Variants in CAMTA1 observed in about 807,000 individuals in gnomAD.
The protein encoded by CAMTA1 is calmodulin-binding transcription activator 1.
In CAMTA1, 27 loss-of-function variants were observed where a neutral mutation model predicts 170.9. That is an observed-to-expected ratio of 0.16 (90% CI 0.12 to 0.22). CAMTA1 has a LOEUF of 0.22. CAMTA1 is among the 10% of genes least tolerant of loss of function. The pLI, the probability that CAMTA1 is intolerant of heterozygous loss-of-function variation, is 1.00. For synonymous variants in CAMTA1, 833 were observed against 891.5 expected (o/e 0.93, Z 1.17); for missense variants, 1,619 against 2,217.2 (o/e 0.73, Z 5.42).
rs966178286 is a variant in CAMTA1 at position 7,007,656 on chromosome 1, C to T, written c.235-83648C>T. 2.0e-4 allele frequency among the ~76,000 whole-genome samples: 30 copies of T among 152,156 alleles called. No individual in the cohort carries two copies. Among genetic ancestry groups the T allele is most frequent in the African/African-American group, 6.8e-4 (28 of 41,438 alleles). ...CCAGACTGCCGAGGGGTGGCCGGGC[C>T]CTGTCAGTGCTGCGGAGGTGAGCTC... On this transcript the variant is annotated intron_variant, in intron 3 of 22. Transcript: ENST00000303635. This position sits in a 1 kb window ranked among gnomAD's most constrained non-coding sequence, Gnocchi z 4.5.
intron 6 of CAMTA1, among the ~76,000 whole-genome samples, chr1:7,531,220 C>G (rs999490483): frequency 1.3e-5 from 2 of 152,020 alleles, no homozygotes; most frequent in Non-Finnish European, 2.9e-5. Flanking sequence ...AGTAAAGTCC[C>G]GGTGAGAGCA....
chr1:6,915,841 T>C (rs1471066689), intron 3 of CAMTA1, among the ~76,000 whole-genome samples: 2 of 152,190 alleles, frequency 1.3e-5, no homozygotes, highest in East Asian at 1.9e-4. Context: ...GGGGTGGCCC[T>C]GATGACTTCT....
At chr1:6,977,457 C>T (rs531683447) in intron 3 of CAMTA1, among the ~76,000 whole-genome samples, 1 of 152,232 alleles carries the variant, frequency 6.6e-6, no homozygotes, top group South Asian at 2.1e-4. Context: ...TCTCCAGCCT[C>T]AGCCTCCCGA....
intron 5 of CAMTA1, among the ~76,000 whole-genome samples, chr1:7,314,137 A>G (rs561705759): frequency 1.3e-5 from 2 of 152,346 alleles, no homozygotes; most frequent in Admixed American, 1.3e-4. Flanking sequence ...ACAAATGTGA[A>G]GTCTATATAC....
intron 11 of CAMTA1, among the ~76,000 whole-genome samples, chr1:7,715,059 A>G (rs559727218): frequency 2.0e-5 from 3 of 152,280 alleles, no homozygotes; most frequent in East Asian, 1.9e-4. Context: ...TGTCTGTAAC[A>G]TCATGAGTCC....
intron 6 of CAMTA1, among the ~76,000 whole-genome samples, chr1:7,496,824 C>A (rs1219022314): frequency 6.6e-6 from 1 of 151,882 alleles, no homozygotes; most frequent in Admixed American, 6.6e-5. Context: ...GGGAAGGAGG[C>A]CTCCCAGGCC....
At chr1:7,291,311 A>G (rs902542158) in intron 5 of CAMTA1, among the ~76,000 whole-genome samples, 2 of 152,052 alleles carry the variant, frequency 1.3e-5, no homozygotes, top group Non-Finnish European at 1.5e-5. Flanking sequence ...GGAGAGTGCC[A>G]TGTTGTTAGG....
At chr1:7,489,548 G>T (rs1242284569) in intron 6 of CAMTA1, among the ~76,000 whole-genome samples, 1 of 152,210 alleles carries the variant, frequency 6.6e-6, no homozygotes, top group Admixed American at 6.5e-5. Flanking sequence ...TATGCCAGGT[G>T]CTAGGGTTGC....
At position 7,195,253 on chromosome 1, in the gene CAMTA1, T is replaced by C. The variant is rs1655303917; in HGVS notation, c.303-54238T>C. 6.6e-6 allele frequency among the ~76,000 whole-genome samples: 1 copy of C among 152,190 alleles called. No homozygotes were observed. Among genetic ancestry groups the C allele is most frequent in the African/African-American group, 2.4e-5 (1 of 41,452 alleles). On this transcript the variant is annotated intron_variant, in intron 4 of 22. Transcript: ENST00000303635. The surrounding 1 kb of genome is among the most constrained non-coding windows in gnomAD (Gnocchi z 4.1). ...GGCAGCTCCCACGTTCTCACACCAT[T>C]CGACATTTGGGGTGACCAAGTCATG...
intron 5 of CAMTA1, among the ~76,000 whole-genome samples, chr1:7,437,029 G>A (rs559120689): frequency 6.6e-6 from 1 of 152,264 alleles, no homozygotes; most frequent in South Asian, 2.1e-4. Context: ...CTGGGGCACA[G>A]CTGGCAGGCT....
In CAMTA1 at chr1:7,130,226, A is replaced by G. The variant is rs529547936; in HGVS notation, c.302+38855A>G. Among the ~76,000 whole-genome samples the G allele has an allele frequency of 2.0e-5, 3 of 152,326 alleles. No individual in the cohort carries two copies. In the East Asian group the frequency reaches 5.8e-4, roughly 29 times the overall value. On this transcript the variant is annotated intron_variant, in intron 4 of 22. Transcript: ENST00000303635. ...AGTGCTCGGATTACAGGTGTGAGGC[A>G]CCATGCCCAGTCAAATCTACCTTCT...
chr1:7,570,782 G>A lies in CAMTA1; in HGVS notation c.511-69618G>A, dbSNP rs1173390345. ...GCTCTCCATCACCCCCCACCGCAGA[G>A]GGAAAATCAGTGTTATCATGCGAGG... On this transcript the variant is annotated intron_variant, in intron 6 of 22. Transcript: ENST00000303635. The surrounding 1 kb of genome is among the most constrained non-coding windows in gnomAD (Gnocchi z 4.3). Among the ~76,000 whole-genome samples the A allele has an allele frequency of 6.6e-6, 1 of 152,200 alleles. No individual in the cohort carries two copies. Among genetic ancestry groups the A allele is most frequent in the Non-Finnish European group, 1.5e-5 (1 of 68,046 alleles).
intron 4 of CAMTA1, among the ~76,000 whole-genome samples, chr1:7,174,741 G>A (rs895431748): frequency 6.6e-6 from 1 of 152,234 alleles, no homozygotes; most frequent in Non-Finnish European, 1.5e-5. Flanking sequence ...TGGGGGGCCT[G>A]GGAATTGGGA....
chr1:6,931,596 G>T (rs1684424004), intron 3 of CAMTA1, among the ~76,000 whole-genome samples: 1 of 152,090 alleles, frequency 6.6e-6, no homozygotes, highest in Admixed American at 6.5e-5. Flanking sequence ...ACGAACTAAC[G>T]ACCCTGTGAT....
chr1:6,918,166 G>A lies in CAMTA1; in HGVS notation c.234+92956G>A, dbSNP rs1222435174. 6.6e-6 allele frequency among the ~76,000 whole-genome samples: 1 copy of A among 152,224 alleles called. No individual in the cohort carries two copies. ...AATTATGCAATTATTCCTAAATGGA[G>A]TGCATGTCAGCAGCCCTGGCACTGA... On this transcript the variant is annotated intron_variant, in intron 3 of 22. Coordinates refer to ENST00000303635, the MANE Select transcript of CAMTA1 (RefSeq NM_015215.4). This position sits in a 1 kb window ranked among gnomAD's most constrained non-coding sequence, Gnocchi z 4.0.
rs919304383 is a variant in CAMTA1 at position 7,246,212 on chromosome 1, C to T, written c.303-3279C>T. ...ACTCAGCGTGTATCCTGCCTGAACA[C>T]TTTGTGGCTAGAATGGTTTGATTAT... On this transcript the variant is annotated intron_variant, in intron 4 of 22. Coordinates refer to ENST00000303635, the MANE Select transcript of CAMTA1 (RefSeq NM_015215.4). 7.2e-5 allele frequency among the ~76,000 whole-genome samples: 11 copies of T among 152,290 alleles called. No homozygotes were observed. The East Asian group carries it at 2.1e-3, about 29-fold the overall frequency.
In CAMTA1 at chr1:7,366,667, C is replaced by T. The variant is rs2071925; in HGVS notation, c.439-101163C>T. ...GCACAGCTGTGGATATTTTTATTTG[C>T]CCAGTCAAGTCGGCTCCTCGGTGCA... is the stretch of plus-strand genomic sequence containing the variant. On this transcript the variant is annotated intron_variant, in intron 5 of 22. Coordinates refer to ENST00000303635, the MANE Select transcript of CAMTA1 (RefSeq NM_015215.4). 3.2e-3 allele frequency among the ~76,000 whole-genome samples: 484 copies of T among 152,318 alleles called. 12 individuals are homozygous for T. In the East Asian group the frequency reaches 0.07, roughly 22 times the overall value.
intron 11 of CAMTA1, among the ~76,000 whole-genome samples, chr1:7,709,057 G>A (rs896147473): frequency 6.6e-6 from 1 of 152,120 alleles, no homozygotes; most frequent in Non-Finnish European, 1.5e-5. Flanking sequence ...TCTGTCACAC[G>A]CAGCCAGGCT....
Position 7,299,942 on chromosome 1 carries a change from A to C in CAMTA1, c.438+50316A>C, listed in dbSNP as rs1023116616. Reference sequence around the variant, plus strand: ...CAACCAGAGGTGCCCCGAAAGCTTAAGTGTCATTGACTTCCTAGCAACCCT... The same window carrying C: ...CAACCAGAGGTGCCCCGAAAGCTTACGTGTCATTGACTTCCTAGCAACCCT... On this transcript the variant is annotated intron_variant, in intron 5 of 22. Coordinates refer to ENST00000303635, the MANE Select transcript of CAMTA1 (RefSeq NM_015215.4). The surrounding 1 kb of genome is among the most constrained non-coding windows in gnomAD (Gnocchi z 4.7). 6.6e-6 allele frequency among the ~76,000 whole-genome samples: 1 copy of C among 152,322 alleles called. No individual in the cohort carries two copies. The highest frequency in any genetic ancestry group is 1.9e-4 in the East Asian group (1 of 5,188).
Sources: gnomAD v4.1 joint callset for allele counts (sites outside exome capture counted in the v4.1 genomes callset) on GRCh38, gnomAD v4.1.1 for gene constraint, Gnocchi (gnomAD v3.1) non-coding constraint, MANE v1.5 for transcripts, NCBI Gene and HGNC (gene_info 2026-07-23, HGNC 2026-07-21) for gene names.